The following INPP4B variants were observed in gnomAD, a reference collection of about 807,000 sequenced individuals.
INPP4B encodes the protein inositol polyphosphate 4-phosphatase type II.
A neutral mutation model predicts 122.5 loss-of-function variants in INPP4B; 55 were observed. That is an observed-to-expected ratio of 0.45 (90% CI 0.36 to 0.56). INPP4B has a LOEUF of 0.56. Among genes scored for constraint, INPP4B ranks in the 20% least tolerant of loss-of-function variants. The pLI is 0.00. For synonymous variants in INPP4B, 403 were observed against 388.7 expected, an observed-to-expected ratio of 1.04 and a Z score of -0.43; for missense variants, 1,000 against 1,097.7, an observed-to-expected ratio of 0.91 and a Z score of 1.26.
At chr4:142,697,197 T>C (rs544536790) in intron 2 of INPP4B, among the ~76,000 whole-genome samples, 8 of 152,304 alleles carry the variant, frequency 5.3e-5, no homozygotes, top group African/African-American at 1.9e-4. Context: ...ATTTAAATTA[T>C]ATGGTTTTGG....
At chr4:142,722,137 A>G (rs1764772213) in intron 2 of INPP4B, among the ~76,000 whole-genome samples, 1 of 152,210 alleles carries the variant, frequency 6.6e-6, no homozygotes. Context: ...ATATGTATAC[A>G]TACAAGAATA....
intron 7 of INPP4B, among the ~76,000 whole-genome samples, chr4:142,353,937 C>A (rs1782751415): frequency 6.6e-6 from 1 of 151,668 alleles, no homozygotes; most frequent in Non-Finnish European, 1.5e-5. Context: ...TTATCTTCAA[C>A]AATTTTTTCC....
chr4:142,282,519 C>A (rs1751663215), intron 9 of INPP4B, among the ~76,000 whole-genome samples: 1 of 152,100 alleles, frequency 6.6e-6, no homozygotes, highest in South Asian at 2.1e-4. Flanking sequence ...AGGTTGAAAT[C>A]AAGATATAGG....
At chr4:142,479,717 C>T (rs1190622988) in intron 2 of INPP4B, among the ~76,000 whole-genome samples, 1 of 152,012 alleles carries the variant, frequency 6.6e-6, no homozygotes, top group Non-Finnish European at 1.5e-5. Flanking sequence ...GAACAGAAAA[C>T]CAAATACCAC....
At chr4:142,764,814 A>T (rs898429448) in intron 1 of INPP4B, among the ~76,000 whole-genome samples, 1 of 151,990 alleles carries the variant, frequency 6.6e-6, no homozygotes, top group East Asian at 1.9e-4. Context: ...CCTCAGATAC[A>T]CATGCTAGAA....
chr4:142,141,979 G>C (rs1388363673), intron 18 of INPP4B, among the ~76,000 whole-genome samples: 1 of 151,868 alleles, frequency 6.6e-6, no homozygotes, highest in Non-Finnish European at 1.5e-5. Flanking sequence ...CAAAATTCCA[G>C]AATTTGATTT....
intron 2 of INPP4B, among the ~76,000 whole-genome samples, chr4:142,542,954 G>C (rs920338544): frequency 6.6e-6 from 1 of 152,110 alleles, no homozygotes; most frequent in African/African-American, 2.4e-5. Flanking sequence ...AAAAAAGGTA[G>C]ATGTTCAGAG....
In INPP4B at chr4:142,174,633, T is replaced by A. The variant is rs539460456; in HGVS notation, c.1182-824A>T. On this transcript the variant is annotated intron_variant, in intron 15 of 25. Transcript: ENST00000262992. ...TATTAACTAAAGAATTATTGACTTC[T>A]TTTTTTTAAGAGACAGGATCTCACT... Among the ~76,000 whole-genome samples, 190 of 22,332 alleles carry A rather than the reference T, an allele frequency of 8.5e-3. 2 individuals are homozygous for A. The highest frequency in any genetic ancestry group is 0.011 in the African/African-American group (188 of 17,638). The allele number at this position is 22,332 out of a possible 152,430, so 14.7% of individuals were successfully genotyped here.
At chr4:142,073,738 A>G (rs2152495389) in intron 25 of INPP4B, among the ~76,000 whole-genome samples, 1 of 152,186 alleles carries the variant, frequency 6.6e-6, no homozygotes, top group South Asian at 2.1e-4. Context: ...AATGAAAATT[A>G]TTTCCTTGAT....
At chr4:142,113,749 T>C (rs1001970554) in intron 21 of INPP4B, among the ~76,000 whole-genome samples, 28 of 152,188 alleles carry the variant, frequency 1.8e-4, no homozygotes, top group African/African-American at 6.3e-4. Context: ...ATGAGTCAGT[T>C]CATGCTTTAA....
intron 21 of INPP4B, among the ~76,000 whole-genome samples, chr4:142,114,412 G>C (rs1350711027): frequency 2.0e-5 from 3 of 151,944 alleles, no homozygotes; most frequent in African/African-American, 7.2e-5. Context: ...AATGTACAAG[G>C]GTTCCAGGTT....
intron 5 of INPP4B, 124 bp from the exon 6 acceptor site, chr4:142,405,448 G>C (rs983051377): frequency 1.9e-5 from 12 of 645,406 alleles, no homozygotes; most frequent in Non-Finnish European, 2.8e-5. Flanking sequence ...GCTCAGGCTG[G>C]TTTTACAGAG....
intron 4 of INPP4B, among the ~76,000 whole-genome samples, chr4:142,429,823 C>G (rs1808899527): frequency 1.3e-5 from 2 of 151,880 alleles, no homozygotes; most frequent in East Asian, 3.9e-4. Context: ...AGTCTGGGGA[C>G]AAAGGTACAG....
chr4:142,223,516 T>C (rs1362238610), intron 12 of INPP4B, among the ~76,000 whole-genome samples: 1 of 152,190 alleles, frequency 6.6e-6, no homozygotes, highest in African/African-American at 2.4e-5. Context: ...TAAATGAGTT[T>C]TGCCTTATTC....
At chr4:142,254,221 G>A (rs1734303454) in intron 11 of INPP4B, among the ~76,000 whole-genome samples, 1 of 152,054 alleles carries the variant, frequency 6.6e-6, no homozygotes, top group Admixed American at 6.6e-5. Context: ...CATCTTCAAA[G>A]ACCAAAAGTA....
At chr4:142,287,132 CA>C (rs1161046567) in intron 9 of INPP4B, 1 of 152,174 alleles carries the variant, frequency 6.6e-6, no homozygotes, top group East Asian at 1.9e-4. Flanking sequence ...TTCCTACAAG[CA>C]TCTTCATCTT....
intron 15 of INPP4B, among the ~76,000 whole-genome samples, chr4:142,188,592 G>C (rs1339446146): frequency 1.4e-5 from 2 of 145,842 alleles, no homozygotes; most frequent in Non-Finnish European, 3.0e-5. Flanking sequence ...AAATTGCACT[G>C]TCAGTGACTG....
intron 1 of INPP4B, among the ~76,000 whole-genome samples, chr4:142,816,977 G>T (rs1395011843): frequency 6.6e-6 from 1 of 152,116 alleles, no homozygotes; most frequent in Non-Finnish European, 1.5e-5. Flanking sequence ...TGGAAATAGG[G>T]TCTTTGCAGA....
chr4:142,166,414 TA>T (rs1281579685), intron 16 of INPP4B, among the ~76,000 whole-genome samples: 2 of 151,858 alleles, frequency 1.3e-5, no homozygotes, highest in Non-Finnish European at 2.9e-5. Context: ...GATTTAAATG[TA>T]AAACCCAAAA....
Sources: gnomAD v4.1 joint callset for allele counts (sites outside exome capture counted in the v4.1 genomes callset) on GRCh38, gnomAD v4.1.1 for gene constraint, MANE v1.5 for transcripts, NCBI Gene and HGNC (gene_info 2026-07-23, HGNC 2026-07-21) for gene names.